The following CGNL1 variants were observed in gnomAD, a reference collection of about 807,000 sequenced individuals.
CGNL1 encodes the protein cingulin like 1.
Under a neutral mutation model 141.2 loss-of-function variants are expected in CGNL1, and 132 were observed. That is an observed-to-expected ratio of 0.93 (90% CI 0.81 to 1.08). CGNL1 has a LOEUF of 1.08. CGNL1 is among the 50% of genes least tolerant of loss of function. CGNL1 has a pLI of 0.00. For missense variants in CGNL1, 1,870 were observed against 1,588.6 expected (o/e 1.18, Z -3.01); for synonymous variants, 690 against 622.1 (o/e 1.11, Z -1.63).
Position 57,528,787 on chromosome 15 carries a change from A to T in CGNL1, c.3173A>T (p.Asp1058Val), listed in dbSNP as rs779394674. ...ELEAKSHLKD[D>V]RSRLVKQMED... is the part of the protein sequence containing the mutation. ...GAAGCCAAGAGTCACCTCAAAGATG[A>T]CCGCAGCAGGCTGGTCAAGCAGATG... The change falls in exon 13 of 19, where the codon GAC (aspartate) becomes GTC (valine). Residue 1058 changes from aspartate (D) to valine (V), a missense_variant. Transcript: ENST00000281282. 14 of 1,613,924 alleles carry T rather than the reference A, an allele frequency of 8.7e-6. 1 individual carries two copies. The South Asian group carries it at 1.2e-4, about 14-fold the overall frequency.
At chr15:57,387,603 G>A (rs545782827) in intron 1 of CGNL1, among the ~76,000 whole-genome samples, 2 of 152,094 alleles carry the variant, frequency 1.3e-5, no homozygotes, top group African/African-American at 2.4e-5. Context: ...ATGACTCTGC[G>A]TGACAGGTTT....
Position 57,438,773 on chromosome 15 carries a change from T to C in CGNL1, c.774T>C (p.Thr258=). ...EALFTSGRPL[T]AHSPHAHPET... ...TTTTCACTAGCGGGAGGCCCCTGAC[T>C]GCCCACAGCCCACATGCCCACCCTG... The change falls in exon 2 of 19, where the codon ACT becomes ACC. Residue 258 remains threonine (T), a synonymous_variant. Transcript: ENST00000281282. 4 of 1,614,154 alleles carry C rather than the reference T, an allele frequency of 2.5e-6. No individual in the cohort carries two copies. The highest frequency in any genetic ancestry group is 3.4e-6 in the Non-Finnish European group (4 of 1,180,020).
chr15:57,475,632 A>T (rs2063645657), intron 8 of CGNL1, among the ~76,000 whole-genome samples: 1 of 151,010 alleles, frequency 6.6e-6, no homozygotes, highest in Admixed American at 6.6e-5. Flanking sequence ...TTGACACACC[A>T]CATCTCTGAT....
chr15:57,465,383 CT>C (rs11332989), intron 8 of CGNL1, among the ~76,000 whole-genome samples: 36,380 of 80,360 alleles, frequency 0.45, 7,338 homozygotes, highest in Non-Finnish European at 0.48. Context: ...TAAAAACTGA[CT>C]TTTTTTTTTT....
chr15:57,525,678 A>C (rs2031565239), intron 12 of CGNL1, among the ~76,000 whole-genome samples: 1 of 152,174 alleles, frequency 6.6e-6, no homozygotes, highest in Non-Finnish European at 1.5e-5. Flanking sequence ...TCTTTAAAAA[A>C]CAAACTTTAA....
Position 57,550,459 on chromosome 15 carries a change from T to C in CGNL1, c.*2969T>C, listed in dbSNP as rs1243639001. 2 of 152,678 alleles carry C rather than the reference T, an allele frequency of 1.3e-5. No individual in the cohort carries two copies. The highest frequency in any genetic ancestry group is 4.8e-5 in the African/African-American group (2 of 41,464). The allele number at this position is 152,678 out of a possible 1,614,324, so 9.5% of individuals were successfully genotyped here. A position where few individuals can be genotyped will look rare whatever the true frequency, so the allele number is the denominator to read the frequency against. On this transcript the variant is annotated 3_prime_UTR_variant, in exon 19 of 19. Transcript: ENST00000281282. ...TTAGCTAGCTTAAAAAGAAAACATATATTTTATGTAAAAACACATACATGG... is the reference window on the plus strand; with the variant it reads ...TTAGCTAGCTTAAAAAGAAAACATACATTTTATGTAAAAACACATACATGG...
intron 8 of CGNL1, among the ~76,000 whole-genome samples, chr15:57,462,171 C>G (rs959601786): frequency 3.9e-5 from 6 of 152,070 alleles, no homozygotes; most frequent in African/African-American, 1.2e-4. Flanking sequence ...GTTCTGCAGC[C>G]CCTTGCAGAG....
chr15:57,400,738 C>T (rs1205259919), intron 1 of CGNL1, among the ~76,000 whole-genome samples: 1 of 151,794 alleles, frequency 6.6e-6, no homozygotes, highest in East Asian at 1.9e-4. Context: ...CAAAATTTAG[C>T]TAGGCTTGGT....
At chr15:57,411,447 CTTTTTTT>C (rs112940511) in intron 1 of CGNL1, among the ~76,000 whole-genome samples, 1 of 142,142 alleles carries the variant, frequency 7.0e-6, no homozygotes, top group Admixed American at 7.0e-5. Context: ...TTTTCTTTTT[CTTTTTTT>C]TTTTTTTGAG....
intron 1 of CGNL1, among the ~76,000 whole-genome samples, chr15:57,435,031 T>G (rs1333359007): frequency 6.6e-6 from 1 of 152,146 alleles, no homozygotes; most frequent in Admixed American, 6.5e-5. Context: ...CCAAATTACC[T>G]GATATTTTGA....
chr15:57,501,413 T>A (rs1021086391), intron 8 of CGNL1, among the ~76,000 whole-genome samples: 2 of 152,216 alleles, frequency 1.3e-5, no homozygotes, highest in Non-Finnish European at 2.9e-5. Context: ...TGGCATAGAC[T>A]GAGCACTCAG....
At chr15:57,469,126 G>A (rs1008861021) in intron 8 of CGNL1, among the ~76,000 whole-genome samples, 1 of 152,090 alleles carries the variant, frequency 6.6e-6, no homozygotes, top group Non-Finnish European at 1.5e-5. Context: ...GGCTGCAGCT[G>A]GAATGGTTAG....
chr15:57,517,803 C>G (rs915791679), intron 9 of CGNL1, among the ~76,000 whole-genome samples: 1 of 152,142 alleles, frequency 6.6e-6, no homozygotes. Context: ...CTCATCACCC[C>G]CTAAAGGTCC....
intron 10 of CGNL1, among the ~76,000 whole-genome samples, chr15:57,521,401 C>T (rs1229945038): frequency 6.6e-6 from 1 of 151,996 alleles, no homozygotes; most frequent in Admixed American, 6.5e-5. Flanking sequence ...GTACAGACAC[C>T]CCATCCTTGC....
rs1209666742 is a variant in CGNL1 at position 57,546,180 on chromosome 15, G to T, written c.3714G>T (p.Glu1238Asp). 3 of 1,609,702 alleles carry T rather than the reference G, an allele frequency of 1.9e-6. No homozygotes were observed. The highest frequency in any genetic ancestry group is 2.7e-5 in the African/African-American group (2 of 75,006). Residue 1238 changes from glutamate (E) to aspartate (D), a missense_variant, in exon 18 of 19, where the codon GAG becomes GAT. Glu to Asp is a conservative substitution (Grantham distance 45, BLOSUM62 2). Coordinates refer to ENST00000281282, the MANE Select transcript of CGNL1 (RefSeq NM_032866.5). ...AGAAGCTGCAGAGGGAGCTGGAGGA[G>T]CAGATGGACATGAATGAGCATCTGC... ...SKKKLQRELE[E>D]QMDMNEHLQG...
chr15:57,417,239 C>T (rs1174228386), intron 1 of CGNL1, among the ~76,000 whole-genome samples: 1 of 151,820 alleles, frequency 6.6e-6, no homozygotes, highest in Admixed American at 6.6e-5. Flanking sequence ...CTTTCCTTTC[C>T]TTTCTTTTCT....
At chr15:57,479,965 A>G (rs1284120132) in intron 8 of CGNL1, among the ~76,000 whole-genome samples, 1 of 152,144 alleles carries the variant, frequency 6.6e-6, no homozygotes, top group African/African-American at 2.4e-5. Context: ...GACAGAGGAG[A>G]AGCCGTGAGC....
chr15:57,535,794 A>G (rs1244866572), intron 14 of CGNL1, among the ~76,000 whole-genome samples: 1 of 152,136 alleles, frequency 6.6e-6, no homozygotes, highest in Non-Finnish European at 1.5e-5. Context: ...GGGGGTGAGG[A>G]CTGGAGAAGG....
chr15:57,547,318 C>A, intron 18 of CGNL1, 37 bp from the exon 19 acceptor site: 1 of 1,610,740 alleles, frequency 6.2e-7, no homozygotes, highest in African/African-American at 1.3e-5. Flanking sequence ...GGGCCCCGGC[C>A]CAGGGCCAGG....
Sources: allele counts gnomAD v4.1 joint callset (sites outside exome capture counted in the v4.1 genomes callset), GRCh38; gene constraint gnomAD v4.1.1; transcripts MANE v1.5; gene names NCBI Gene and HGNC (gene_info 2026-07-23, HGNC 2026-07-21).